GRIN2B: variants seen among roughly 807,000 people sequenced by gnomAD.
GRIN2B encodes glutamate ionotropic receptor NMDA type subunit 2B.
A neutral mutation model predicts 114.5 loss-of-function variants in GRIN2B; 5 were observed. The observed-to-expected ratio is 0.04, with a 90% CI of 0.02 to 0.09. The LOEUF (loss-of-function observed/expected upper bound fraction) is 0.09. Ranked by LOEUF, GRIN2B falls within the 10% of genes least tolerant of loss-of-function variation. GRIN2B has a pLI of 1.00. For missense variants in GRIN2B, 1,108 were observed against 1,943.5 expected (o/e 0.57, Z 8.08); for synonymous variants, 787 against 745.1 (o/e 1.06, Z -0.92).
At chr12:13,580,696 T>A (rs538536260) in intron 10 of GRIN2B, among the ~76,000 whole-genome samples, 1 of 152,334 alleles carries the variant, frequency 6.6e-6, no homozygotes, top group African/African-American at 2.4e-5. Flanking sequence ...TATTTTATAT[T>A]TTAATAGTAC....
At chr12:13,589,660 A>G (rs1248858526) in intron 10 of GRIN2B, among the ~76,000 whole-genome samples, 1 of 152,248 alleles carries the variant, frequency 6.6e-6, no homozygotes, top group Non-Finnish European at 1.5e-5. Context: ...ACTGACTTGT[A>G]TCCCTCATTT....
chr12:13,585,587 C>T (rs1157488479), intron 10 of GRIN2B, among the ~76,000 whole-genome samples: 1 of 152,144 alleles, frequency 6.6e-6, no homozygotes, highest in African/African-American at 2.4e-5. Flanking sequence ...GGAGAGGACT[C>T]GAACAATCCT....
At chr12:13,804,407 G>C (rs1227866082) in intron 3 of GRIN2B, among the ~76,000 whole-genome samples, 1 of 151,604 alleles carries the variant, frequency 6.6e-6, no homozygotes, top group East Asian at 1.9e-4. Flanking sequence ...AATCATTTAG[G>C]GTTCACTATG....
intron 5 of GRIN2B, among the ~76,000 whole-genome samples, chr12:13,662,192 T>G (rs956065427): frequency 6.6e-6 from 1 of 152,136 alleles, no homozygotes; most frequent in Non-Finnish European, 1.5e-5. Flanking sequence ...ATGTGACAGA[T>G]TATATAAATC....
At chr12:13,626,195 C>G (rs567555008) in intron 5 of GRIN2B, among the ~76,000 whole-genome samples, 1 of 152,312 alleles carries the variant, frequency 6.6e-6, no homozygotes, top group South Asian at 2.1e-4. Flanking sequence ...AAACCATCTT[C>G]TGGGACATGC....
chr12:13,793,630 T>C (rs559359701), intron 3 of GRIN2B, among the ~76,000 whole-genome samples: 20 of 152,262 alleles, frequency 1.3e-4, no homozygotes, highest in South Asian at 8.3e-4. Context: ...CCACTCCTCA[T>C]CAGTTCCCAA....
chr12:13,951,716 T>G (rs552765747), intron 2 of GRIN2B, among the ~76,000 whole-genome samples: 43 of 152,174 alleles, frequency 2.8e-4, no homozygotes, highest in African/African-American at 1.0e-3. Flanking sequence ...ATTTATCTGT[T>G]CATCTCTCTC....
chr12:13,901,310 C>T (rs1259025920), intron 2 of GRIN2B, among the ~76,000 whole-genome samples: 2 of 152,082 alleles, frequency 1.3e-5, no homozygotes, highest in African/African-American at 4.8e-5. Flanking sequence ...GTCCACTTTA[C>T]CACTGATTTA....
chr12:13,930,663 T>C (rs1346572917), intron 2 of GRIN2B, among the ~76,000 whole-genome samples: 1 of 152,202 alleles, frequency 6.6e-6, no homozygotes, highest in African/African-American at 2.4e-5. Flanking sequence ...AGGTAACCTG[T>C]TTATTCATGA....
intron 4 of GRIN2B, among the ~76,000 whole-genome samples, chr12:13,691,272 T>C (rs1053686237): frequency 1.3e-5 from 2 of 152,194 alleles, no homozygotes; most frequent in African/African-American, 4.8e-5. Flanking sequence ...TGTGGGTCCA[T>C]GCAAATAATG....
At chr12:13,922,872 A>G (rs912969579) in intron 2 of GRIN2B, among the ~76,000 whole-genome samples, 2 of 152,202 alleles carry the variant, frequency 1.3e-5, no homozygotes, top group Non-Finnish European at 2.9e-5. Flanking sequence ...CAAGTGACCT[A>G]TGCTGGGCCA....
chr12:13,649,380 G>C (rs1184492844), intron 5 of GRIN2B, among the ~76,000 whole-genome samples: 2 of 152,004 alleles, frequency 1.3e-5, no homozygotes, highest in Non-Finnish European at 2.9e-5. Flanking sequence ...AGGTCAACTG[G>C]TGCTGAGAAC....
intron 2 of GRIN2B, among the ~76,000 whole-genome samples, chr12:13,936,619 T>C (rs1176880472): frequency 6.6e-6 from 1 of 152,122 alleles, no homozygotes; most frequent in Non-Finnish European, 1.5e-5. Context: ...GAATCTAGTG[T>C]CTCTAAAACA....
rs1948245892 is a variant in GRIN2B at position 13,539,062 on chromosome 12, A to G, written c.*23721T>C. The G allele has an allele frequency of 4.6e-5, 7 of 152,270 alleles. No individual in the cohort carries two copies. The highest frequency in any genetic ancestry group is 4.6e-4 in the Admixed American group (7 of 15,292). The allele number at this position is 152,270 out of a possible 1,614,324, so 9.4% of individuals were successfully genotyped here. A position where few individuals can be genotyped will look rare whatever the true frequency, so the allele number is the denominator to read the frequency against. On this transcript the variant is annotated 3_prime_UTR_variant, in exon 14 of 14. Coordinates refer to ENST00000609686, the MANE Select transcript of GRIN2B (RefSeq NM_000834.5). ...TCTGGGAAGAATCTGGCTTTATGTT[A>G]GAGCTTGCTACTTTCTGGAATGTTC...
At chr12:13,949,454 C>T (rs909494253) in intron 2 of GRIN2B, among the ~76,000 whole-genome samples, 5 of 152,068 alleles carry the variant, frequency 3.3e-5, no homozygotes, top group African/African-American at 9.7e-5. Flanking sequence ...AATCTGAACA[C>T]TCAACCAGAG....
chr12:13,672,117 A>G (rs1337542487), intron 5 of GRIN2B, among the ~76,000 whole-genome samples: 1 of 152,070 alleles, frequency 6.6e-6, no homozygotes, highest in East Asian at 1.9e-4. Context: ...CCCTCACCCA[A>G]TTTCTTTTCC....
chr12:13,848,243 G>A (rs1345922812), intron 3 of GRIN2B, among the ~76,000 whole-genome samples: 1 of 152,164 alleles, frequency 6.6e-6, no homozygotes, highest in African/African-American at 2.4e-5. Flanking sequence ...CTTTCACTAA[G>A]TTAGAATACA....
intron 3 of GRIN2B, among the ~76,000 whole-genome samples, chr12:13,841,867 G>GT (rs1168746732): frequency 1.3e-5 from 2 of 151,812 alleles, no homozygotes; most frequent in Admixed American, 6.6e-5. Context: ...CATATCCTTT[G>GT]TTTTTTTAAA....
At chr12:13,904,494 A>G (rs1186155960) in intron 2 of GRIN2B, among the ~76,000 whole-genome samples, 2 of 152,058 alleles carry the variant, frequency 1.3e-5, no homozygotes, top group African/African-American at 4.8e-5. Context: ...TTTTAATTGC[A>G]TCACTATTAG....
Sources: gnomAD v4.1 joint callset for allele counts (sites outside exome capture counted in the v4.1 genomes callset) on GRCh38, gnomAD v4.1.1 for gene constraint, MANE v1.5 for transcripts, NCBI Gene and HGNC (gene_info 2026-07-23, HGNC 2026-07-21) for gene names.